The following GABRB3 variants were observed in gnomAD, a reference collection of about 807,000 sequenced individuals.
The protein encoded by GABRB3 is gamma-aminobutyric acid type A receptor subunit beta3, also known as gamma-aminobutyric acid receptor subunit beta-3.
Under a neutral mutation model 52.1 loss-of-function variants are expected in GABRB3, and 14 were observed. That is an observed-to-expected ratio of 0.27 (90% confidence interval 0.18 to 0.42). GABRB3 has a LOEUF of 0.42. Ranked by LOEUF, GABRB3 falls within the 10% of genes least tolerant of loss-of-function variation. GABRB3 has a pLI of 1.00. For missense variants in GABRB3, 307 were observed against 609.1 expected, an observed-to-expected ratio of 0.50 and a Z score of 5.22; for synonymous variants, 260 against 232.3, an observed-to-expected ratio of 1.12 and a Z score of -1.08.
chr15:26,762,663 T>C (rs1890852175), intron 3 of GABRB3, among the ~76,000 whole-genome samples: 1 of 152,234 alleles, frequency 6.6e-6, no homozygotes, highest in Non-Finnish European at 1.5e-5. Flanking sequence ...TTGGCCATAA[T>C]TTCCAATATT....
At chr15:26,731,119 T>G (rs1889900350) in intron 3 of GABRB3, among the ~76,000 whole-genome samples, 1 of 152,186 alleles carries the variant, frequency 6.6e-6, no homozygotes, top group African/African-American at 2.4e-5. Context: ...ATGACTATTT[T>G]CATACAAAGA....
At chr15:26,736,591 G>A (rs530785170) in intron 3 of GABRB3, among the ~76,000 whole-genome samples, 1 of 152,238 alleles carries the variant, frequency 6.6e-6, no homozygotes, top group Non-Finnish European at 1.5e-5. Flanking sequence ...GCAGTGAGCC[G>A]GGGCAGCAGG....
chr15:26,723,457 A>C (rs1889694251), intron 3 of GABRB3, among the ~76,000 whole-genome samples: 1 of 152,202 alleles, frequency 6.6e-6, no homozygotes, highest in Non-Finnish European at 1.5e-5. Flanking sequence ...ATCAGCTATA[A>C]TTTTGCAAAG....
chr15:26,558,001 A>C (rs189163509), intron 8 of GABRB3: 1 of 152,310 alleles, frequency 6.6e-6, no homozygotes, highest in African/African-American at 2.4e-5. Flanking sequence ...AAAAATTTAT[A>C]ACCTGTTTAA....
chr15:26,666,944 GGGAGGCAA>G (rs1225742179), intron 3 of GABRB3, among the ~76,000 whole-genome samples: 1 of 152,166 alleles, frequency 6.6e-6, no homozygotes, highest in Non-Finnish European at 1.5e-5. Flanking sequence ...CCTTCTTCCA[GGGAGGCAA>G]GGAGTTATCC....
rs114670315 is a variant in GABRB3 at position 26,636,156 on chromosome 15, C to T, written c.241-14622G>A. Among the ~76,000 whole-genome samples the T allele has an allele frequency of 2.8e-3, 433 of 152,292 alleles. 5 individuals are homozygous for T. Among genetic ancestry groups the T allele is most frequent in the African/African-American group, 9.6e-3 (398 of 41,568 alleles). The stretch of plus-strand genomic sequence containing the variant: ...AAGCACAGTGCCGAAGGAGGGAAAA[C>T]ACAAGTGTTAACCTTTAGATTGGAG... On this transcript the variant is annotated intron_variant, in intron 3 of 8. Coordinates refer to ENST00000311550, the MANE Select transcript of GABRB3 (RefSeq NM_000814.6).
chr15:26,560,870 A>C, intron 8 of GABRB3, 62 bp downstream of exon 8: 9 of 1,609,076 alleles, frequency 5.6e-6, no homozygotes, highest in Non-Finnish European at 7.6e-6. Context: ...ATATCATGCA[A>C]GTAAATGCAG....
intron 4 of GABRB3, chr15:26,615,369 T>C: frequency 1.0e-6 from 1 of 985,646 alleles, no homozygotes; most frequent in South Asian, 4.7e-5. Context: ...CATCACATGC[T>C]GACAAGCTGG....
At chr15:26,637,382 T>A (rs191498321) in intron 3 of GABRB3, among the ~76,000 whole-genome samples, 1 of 152,186 alleles carries the variant, frequency 6.6e-6, no homozygotes, top group Non-Finnish European at 1.5e-5. Context: ...AGATGATAGG[T>A]TTATTTATTG....
intron 3 of GABRB3, among the ~76,000 whole-genome samples, chr15:26,673,210 C>A (rs956895770): frequency 4.0e-5 from 6 of 151,720 alleles, no homozygotes; most frequent in African/African-American, 1.2e-4. Context: ...ATTGTAACTT[C>A]CTTCCTTCCT....
chr15:26,690,558 C>T (rs1329916599), intron 3 of GABRB3, among the ~76,000 whole-genome samples: 1 of 151,894 alleles, frequency 6.6e-6, no homozygotes, highest in African/African-American at 2.4e-5. Context: ...GACATTAGGA[C>T]AAAACGTAGA....
upstream of GABRB3, chr15:26,773,112 AGCGG>A: frequency 1.3e-6 from 1 of 777,828 alleles, no homozygotes; most frequent in East Asian, 1.0e-4. Context: ...GAGGGGGAGG[AGCGG>A]GCGCTGGGAG....
At chr15:26,566,908 T>C (rs1016697693) in intron 7 of GABRB3, among the ~76,000 whole-genome samples, 4 of 152,240 alleles carry the variant, frequency 2.6e-5, no homozygotes, top group Non-Finnish European at 4.4e-5. Context: ...GGATTGCAGA[T>C]TGCATCAGCT....
intron 3 of GABRB3, among the ~76,000 whole-genome samples, chr15:26,771,614 T>C (rs6576609): frequency 0.021 from 3,247 of 152,346 alleles, 113 homozygotes; most frequent in African/African-American, 0.075. Context: ...CCTGATTCCC[T>C]GGCGTCCTAA....
intron 3 of GABRB3, among the ~76,000 whole-genome samples, chr15:26,643,720 T>TTCC: frequency 6.6e-6 from 1 of 151,694 alleles, no homozygotes; most frequent in East Asian, 2.0e-4. Context: ...AGTGCAAACT[T>TTCC]TCCTCCTCTT....
chr15:26,583,557 G>A, intron 4 of GABRB3, 143 bp from the exon 5 acceptor site: 1 of 651,372 alleles, frequency 1.5e-6, no homozygotes, highest in Non-Finnish European at 2.8e-6. Context: ...TATATAGAGA[G>A]AAACTTGAGT....
chr15:26,574,863 T>TA, intron 6 of GABRB3, among the ~76,000 whole-genome samples: 3 of 152,338 alleles, frequency 2.0e-5, no homozygotes, highest in Middle Eastern at 3.4e-3. Context: ...ATGTGCCCTT[T>TA]AAATGGGTAA....
chr15:26,770,167 C>T (rs911571049), intron 3 of GABRB3, among the ~76,000 whole-genome samples: 2 of 152,078 alleles, frequency 1.3e-5, no homozygotes, highest in African/African-American at 4.8e-5. Flanking sequence ...TAAAACATGA[C>T]GTGACCAATC....
intron 3 of GABRB3, among the ~76,000 whole-genome samples, chr15:26,755,802 T>A (rs536292959): frequency 6.6e-6 from 1 of 152,320 alleles, no homozygotes; most frequent in South Asian, 2.1e-4. Context: ...ATGAAATATA[T>A]CTCAAAGAAA....
Sources: gnomAD v4.1 joint callset for allele counts (sites outside exome capture counted in the v4.1 genomes callset) on GRCh38, gnomAD v4.1.1 for gene constraint, MANE v1.5 for transcripts, NCBI Gene and HGNC (gene_info 2026-07-23, HGNC 2026-07-21) for gene names.